Variants in NREP observed in about 807,000 individuals in gnomAD.
NREP encodes neuronal regeneration-related protein.
Under a neutral mutation model 8.6 loss-of-function variants are expected in NREP, and 5 were observed. The ratio of observed to expected loss-of-function variants is 0.58; its 90% CI spans 0.30 to 1.22. NREP has a LOEUF of 1.22. Among genes scored for constraint, NREP ranks in the 50% most tolerant of loss-of-function variants. NREP has a pLI of 0.07. For missense variants in NREP, 86 were observed against 82.5 expected (o/e 1.04, Z -0.17); for synonymous variants, 27 against 28.0 (o/e 0.96, Z 0.11).
intron 2 of NREP, among the ~76,000 whole-genome samples, chr5:111,791,382 C>G (rs1231199700): frequency 2.0e-5 from 3 of 152,158 alleles, no homozygotes; most frequent in Admixed American, 6.6e-5. Flanking sequence ...CCATCTTCCC[C>G]CAGTAACCAT....
At chr5:111,960,389 G>C (rs1400698352) in intron 2 of NREP, among the ~76,000 whole-genome samples, 1 of 152,104 alleles carries the variant, frequency 6.6e-6, no homozygotes, top group Non-Finnish European at 1.5e-5. Context: ...TTAATATGAA[G>C]GGGGTTGAGA....
intron 2 of NREP, among the ~76,000 whole-genome samples, chr5:111,860,257 C>T (rs1341373529): frequency 1.3e-5 from 2 of 152,168 alleles, no homozygotes; most frequent in African/African-American, 4.8e-5. Context: ...CTCCCTCAGA[C>T]TACACTGAAG....
chr5:111,911,957 T>C (rs142978396), intron 2 of NREP, among the ~76,000 whole-genome samples: 1 of 152,186 alleles, frequency 6.6e-6, no homozygotes, highest in African/African-American at 2.4e-5. Context: ...GATAACTAAG[T>C]TGTGGGGAGG....
chr5:111,891,044 T>G (rs1003753284), intron 2 of NREP, among the ~76,000 whole-genome samples: 4 of 152,238 alleles, frequency 2.6e-5, no homozygotes, highest in African/African-American at 9.6e-5. Flanking sequence ...TTTTCCAAAT[T>G]TTTATGCTCT....
intron 2 of NREP, among the ~76,000 whole-genome samples, chr5:111,973,440 C>T (rs1053598557): frequency 4.6e-5 from 7 of 152,194 alleles, no homozygotes; most frequent in African/African-American, 1.4e-4. Context: ...AATACAGATG[C>T]CAGTCATTTG....
At chr5:111,891,107 T>C (rs1453276070) in intron 2 of NREP, among the ~76,000 whole-genome samples, 1 of 152,236 alleles carries the variant, frequency 6.6e-6, no homozygotes, top group African/African-American at 2.4e-5. Context: ...TGCTCAGATA[T>C]CTGAGCACAG....
At chr5:111,957,640 G>A (rs2112646681) in intron 2 of NREP, among the ~76,000 whole-genome samples, 1 of 151,712 alleles carries the variant, frequency 6.6e-6, no homozygotes, top group Non-Finnish European at 1.5e-5. Context: ...TTATGAACAT[G>A]AATGCAAAAT....
At chr5:111,847,806 T>C (rs1159115154) in intron 2 of NREP, among the ~76,000 whole-genome samples, 2 of 152,188 alleles carry the variant, frequency 1.3e-5, no homozygotes, top group Non-Finnish European at 2.9e-5. Context: ...GTTAACTATA[T>C]ACAAATATAA....
intron 2 of NREP, among the ~76,000 whole-genome samples, chr5:111,965,960 C>G (rs1756632977): frequency 6.6e-6 from 1 of 152,134 alleles, no homozygotes; most frequent in African/African-American, 2.4e-5. Flanking sequence ...CAGGTTGAAG[C>G]CCCCAGGTTA....
intron 2 of NREP, among the ~76,000 whole-genome samples, chr5:111,845,361 T>C (rs1404800057): frequency 6.6e-6 from 1 of 152,060 alleles, no homozygotes; most frequent in Non-Finnish European, 1.5e-5. Context: ...AGTATGTTCG[T>C]GCATAAATTG....
chr5:111,922,667 G>A, intron 2 of NREP, among the ~76,000 whole-genome samples: 1 of 152,116 alleles, frequency 6.6e-6, no homozygotes, highest in East Asian at 1.9e-4. Context: ...ATAATCTTTG[G>A]ACACATTGAT....
intron 2 of NREP, among the ~76,000 whole-genome samples, chr5:111,793,323 G>A (rs1039207786): frequency 3.3e-5 from 5 of 152,108 alleles, no homozygotes; most frequent in Non-Finnish European, 7.4e-5. Context: ...GGAGAACGAG[G>A]AAAGCTAGCA....
At chr5:111,954,884 T>G (rs967886873) in intron 2 of NREP, among the ~76,000 whole-genome samples, 2 of 152,178 alleles carry the variant, frequency 1.3e-5, no homozygotes, top group Admixed American at 1.3e-4. Flanking sequence ...AAGATCAGCC[T>G]GAAAGGCATA....
At chr5:111,867,614 A>T (rs1753697998) in intron 2 of NREP, among the ~76,000 whole-genome samples, 1 of 152,190 alleles carries the variant, frequency 6.6e-6, no homozygotes, top group Admixed American at 6.5e-5. Context: ...CTATAAATAT[A>T]GAGCAAGAAA....
chr5:111,797,230 T>G (rs1042556363), intron 2 of NREP, among the ~76,000 whole-genome samples: 2 of 152,234 alleles, frequency 1.3e-5, no homozygotes, highest in African/African-American at 4.8e-5. Context: ...ACCCATTAAG[T>G]TCCAGGCACT....
intron 2 of NREP, among the ~76,000 whole-genome samples, chr5:111,754,061 T>A (rs1561649417): frequency 1.3e-5 from 2 of 152,184 alleles, no homozygotes; most frequent in African/African-American, 4.8e-5. Flanking sequence ...GGGACTGACA[T>A]CTTGATGAAA....
At chr5:111,778,541 C>A (rs1242768698) in intron 2 of NREP, among the ~76,000 whole-genome samples, 2 of 152,240 alleles carry the variant, frequency 1.3e-5, no homozygotes, top group African/African-American at 2.4e-5. Flanking sequence ...ATACATGAAG[C>A]TTTACATGGA....
At chr5:111,819,008 C>T (rs1195997672) in intron 2 of NREP, among the ~76,000 whole-genome samples, 1 of 152,094 alleles carries the variant, frequency 6.6e-6, no homozygotes, top group African/African-American at 2.4e-5. Flanking sequence ...TAGTGAACTC[C>T]AAGTTTCTCT....
chr5:111,785,718 C>G (rs1751593527), intron 2 of NREP, among the ~76,000 whole-genome samples: 1 of 152,058 alleles, frequency 6.6e-6, no homozygotes, highest in Non-Finnish European at 1.5e-5. Flanking sequence ...GGACATGAAG[C>G]TGTATATAGT....
Sources: gnomAD v4.1 joint callset for allele counts (sites outside exome capture counted in the v4.1 genomes callset) on GRCh38, gnomAD v4.1.1 for gene constraint, MANE v1.5 for transcripts, NCBI Gene and HGNC (gene_info 2026-07-23, HGNC 2026-07-21) for gene names.